WRNIP1: variants seen among roughly 807,000 people sequenced by gnomAD.
WRNIP1 encodes WRN helicase interacting protein 1.
A neutral mutation model predicts 56.1 loss-of-function variants in WRNIP1; 41 were observed. That is an observed-to-expected ratio of 0.73 (90% CI 0.57 to 0.95). The LOEUF is 0.95. Ranked by LOEUF, WRNIP1 falls within the 40% of genes least tolerant of loss-of-function variation. The pLI, the probability that WRNIP1 is intolerant of heterozygous loss-of-function variation, is 0.00. For missense variants in WRNIP1, 1,170 were observed against 939.4 expected, an observed-to-expected ratio of 1.25 and a Z score of -3.21; for synonymous variants, 547 against 398.1, an observed-to-expected ratio of 1.37 and a Z score of -4.45.
At chr6:2,783,653 T>TTTTTTTAGGG in intron 5 of WRNIP1, 92 bp downstream of exon 5, 1 of 119,840 alleles carries the variant, frequency 8.3e-6, no homozygotes, top group Non-Finnish European at 1.1e-5. Flanking sequence ...TTTTTTTTTT[T>TTTTTTTAGGG]GCAGGGCGGG....
chr6:2,765,771 C>G lies in WRNIP1; in HGVS notation c.149C>G (p.Pro50Arg), dbSNP rs1212848185. ...LLLHPAGHAE[P>R]AAGSHRAGER... Reference sequence around the variant, plus strand: ...CTCCACCCGGCGGGGCACGCGGAGCCCGCGGCCGGGTCGCACCGCGCCGGG... The same window carrying G: ...CTCCACCCGGCGGGGCACGCGGAGCGCGCGGCCGGGTCGCACCGCGCCGGG... The change falls in exon 1 of 7, where the codon CCC becomes CGC. Residue 50 changes from proline (P) to arginine (R), a missense_variant. Coordinates refer to ENST00000380773, the MANE Select transcript of WRNIP1 (RefSeq NM_020135.3). 2.7e-6 allele frequency: 4 copies of G among 1,464,046 alleles called. No homozygotes were observed. The highest frequency in any genetic ancestry group is 3.6e-6 in the Non-Finnish European group (4 of 1,111,238). 90.7% of individuals were successfully genotyped at this position (1,464,046 alleles called of 1,614,324 possible).
intron 3 of WRNIP1, among the ~76,000 whole-genome samples, chr6:2,778,193 A>G (rs920517282): frequency 6.6e-6 from 1 of 152,184 alleles, no homozygotes; most frequent in Non-Finnish European, 1.5e-5. Flanking sequence ...TCCCCGGCCC[A>G]GCCCCGTTGG....
intron 6 of WRNIP1, 122 bp from the exon 7 acceptor site, chr6:2,784,885 G>A (rs1390191023): frequency 3.1e-6 from 4 of 1,283,752 alleles, no homozygotes; most frequent in Non-Finnish European, 4.3e-6. Context: ...GGCGCAAAAG[G>A]GGGATAATAA....
chr6:2,785,394 T>C lies in WRNIP1; in HGVS notation c.*112T>C, dbSNP rs1765685795. 3.1e-6 allele frequency: 4 copies of C among 1,282,834 alleles called. No homozygotes were observed. Among genetic ancestry groups the C allele is most frequent in the Non-Finnish European group, 4.3e-6 (4 of 939,218 alleles). 79.5% of individuals were successfully genotyped at this position (1,282,834 alleles called of 1,614,324 possible). ...GTGGAAGTTAGAACAGACCAACATTTTGTGCCAGAAATTTAAGAGTTCCAT... is the reference window on the plus strand; with the variant it reads ...GTGGAAGTTAGAACAGACCAACATTCTGTGCCAGAAATTTAAGAGTTCCAT... On this transcript the variant is annotated 3_prime_UTR_variant, in exon 7 of 7. Transcript: ENST00000380773.
At position 2,773,883 on chromosome 6, in the gene WRNIP1, G is replaced by A. The variant is rs906006309; in HGVS notation, c.1256+3522G>A. ...TAGCTAGGCTGAGTTCCGAGAGGTGGTTGGAAGACAGAAAGTGGCGTCTGT... is the reference window on the plus strand; with the variant it reads ...TAGCTAGGCTGAGTTCCGAGAGGTGATTGGAAGACAGAAAGTGGCGTCTGT... On this transcript the variant is annotated intron_variant, in intron 3 of 6. Coordinates refer to ENST00000380773, the MANE Select transcript of WRNIP1 (RefSeq NM_020135.3). 4.1e-6 allele frequency: 4 copies of A among 985,194 alleles called. No individual in the cohort carries two copies. The African/African-American group carries it at 5.2e-5, about 13-fold the overall frequency. 61.0% of individuals were successfully genotyped at this position (985,194 alleles called of 1,614,324 possible).
intron 1 of WRNIP1, 49 bp downstream of exon 1, chr6:2,766,493 A>C (rs3757094): frequency 1.4e-6 from 2 of 1,454,810 alleles, no homozygotes; most frequent in Non-Finnish European, 9.2e-7. Context: ...TCGGCGGTGG[A>C]TGCAGCTGAT....
At position 2,766,210 on chromosome 6, in the gene WRNIP1, C is replaced by T. The variant is rs1211773201; in HGVS notation, c.588C>T (p.Ala196=). The T allele has an allele frequency of 5.5e-6, 8 of 1,462,924 alleles. No homozygotes were observed. Among genetic ancestry groups the T allele is most frequent in the Middle Eastern group, 2.3e-4 (1 of 4,398 alleles). The allele number at this position is 1,462,924 out of a possible 1,614,324, so 90.6% of individuals were successfully genotyped here. ...ACTGGGACGCGGACGCTGCCGAAGC[C>T]GCCACCGCCTTCGGGGCCAGTGGCG... The part of the protein sequence containing the change: ...PGHWDADAAE[A]ATAFGASGGG... The change falls in exon 1 of 7, where the codon GCC becomes GCT. Residue 196 remains alanine (A), a synonymous_variant. Transcript: ENST00000380773.
Position 2,766,038 on chromosome 6 carries a change from CG to C in WRNIP1, c.420del (p.Lys141ArgfsTer141). ...TCCAGCAGCCCCGGGAGGAAGGGGTCGGGGAAGAGGCCGGCGGCCGCCGCCG... is the reference window on the plus strand; with the variant it reads ...TCCAGCAGCCCCGGGAGGAAGGGGTCGGGAAGAGGCCGGCGGCCGCCGCCG... ...ARSSSPGRKGSGKRPAAAAAA... is the reference protein window; with the variant it reads ...ARSSSPGRKGXGKRPAAAAAA... On this transcript the variant is annotated frameshift_variant, in exon 1 of 7. Transcript: ENST00000380773. LOFTEE classifies it high-confidence loss of function. 1.5e-6 allele frequency: 2 copies of C among 1,303,650 alleles called. No individual in the cohort carries two copies. The highest frequency in any genetic ancestry group is 4.5e-5 in the South Asian group (2 of 44,172). The allele number at this position is 1,303,650 out of a possible 1,614,324, so 80.8% of individuals were successfully genotyped here.
At chr6:2,783,901 G>C (rs1050136314) in intron 5 of WRNIP1, among the ~76,000 whole-genome samples, 1 of 152,060 alleles carries the variant, frequency 6.6e-6, no homozygotes, top group African/African-American at 2.4e-5. Context: ...AGGTGTTCAA[G>C]GTTTTCTTTG....
intron 4 of WRNIP1, among the ~76,000 whole-genome samples, chr6:2,780,923 A>G (rs1765542106): frequency 6.6e-6 from 1 of 152,178 alleles, no homozygotes; most frequent in Admixed American, 6.5e-5. Context: ...AGTATTTTAT[A>G]GGTGTATTCA....
chr6:2,784,455 C>G (rs746865500), intron 6 of WRNIP1, 52 bp downstream of exon 6: 1 of 1,568,124 alleles, frequency 6.4e-7, no homozygotes, highest in Non-Finnish European at 8.8e-7. Context: ...CTCTCGTGCT[C>G]TGTCCCTTTG....
chr6:2,774,861 A>G (rs909195797), intron 3 of WRNIP1, among the ~76,000 whole-genome samples: 2 of 152,168 alleles, frequency 1.3e-5, no homozygotes, highest in Non-Finnish European at 1.5e-5. Context: ...GGATATGTGC[A>G]GTTCTGGAGA....
intron 6 of WRNIP1, 127 bp from the exon 7 acceptor site, chr6:2,784,880 A>C: frequency 1.6e-6 from 2 of 1,268,862 alleles, no homozygotes; most frequent in Non-Finnish European, 2.2e-6. Flanking sequence ...CTGTAGGCGC[A>C]AAAGGGGGAT....
chr6:2,767,223 T>C (rs964972171), intron 1 of WRNIP1, among the ~76,000 whole-genome samples: 7 of 152,102 alleles, frequency 4.6e-5, no homozygotes, highest in Middle Eastern at 3.4e-3. Context: ...GAAAAACACT[T>C]GAGAAAAAAA....
intron 3 of WRNIP1, among the ~76,000 whole-genome samples, chr6:2,778,929 T>A (rs769324705): frequency 2.6e-5 from 4 of 152,236 alleles, no homozygotes; most frequent in Non-Finnish European, 4.4e-5. Flanking sequence ...AATAAAGTTT[T>A]CACTGTTGTG....
chr6:2,773,299 G>C, intron 3 of WRNIP1: 1 of 985,424 alleles, frequency 1.0e-6, no homozygotes, highest in Non-Finnish European at 1.2e-6. Flanking sequence ...AGGGAGCGCA[G>C]TATGATGAAG....
intron 3 of WRNIP1, chr6:2,773,295 C>T (rs1049173315): frequency 3.0e-6 from 3 of 985,216 alleles, no homozygotes; most frequent in Non-Finnish European, 3.6e-6. Flanking sequence ...TCAGAGGGAG[C>T]GCAGTATGAT....
chr6:2,779,187 T>G lies in WRNIP1; in HGVS notation c.1257-76T>G, dbSNP rs1000108001. 2.7e-6 allele frequency: 4 copies of G among 1,457,158 alleles called. No individual in the cohort carries two copies. The African/African-American group carries it at 4.2e-5, about 15-fold the overall frequency. The allele number at this position is 1,457,158 out of a possible 1,614,324, so 90.3% of individuals were successfully genotyped here. A position where few individuals can be genotyped will look rare whatever the true frequency, so the allele number is the denominator to read the frequency against. On this transcript the variant is annotated intron_variant, in intron 3 of 6. Coordinates refer to ENST00000380773, the MANE Select transcript of WRNIP1 (RefSeq NM_020135.3). ...TCTTCAGTGTCCTTGCTGAGAAGTA[T>G]GAGTTTCTAAGACATGTGCAGAACA...
At chr6:2,772,081 G>A (rs1765302574) in intron 3 of WRNIP1, among the ~76,000 whole-genome samples, 1 of 152,164 alleles carries the variant, frequency 6.6e-6, no homozygotes, top group Non-Finnish European at 1.5e-5. Flanking sequence ...CCCAGTCACT[G>A]CCGTGCAGGA....
Sources: allele counts gnomAD v4.1 joint callset (sites outside exome capture counted in the v4.1 genomes callset), GRCh38; gene constraint gnomAD v4.1.1; transcripts MANE v1.5; gene names NCBI Gene and HGNC (gene_info 2026-07-23, HGNC 2026-07-21).